OR2L13: variants seen among roughly 807,000 people sequenced by gnomAD.
OR2L13 encodes the protein olfactory receptor family 2 subfamily L member 13, also known as olfactory receptor 2L13.
A neutral mutation model predicts 15.3 loss-of-function variants in OR2L13; 14 were observed. The observed-to-expected ratio is 0.91, with a 90% CI of 0.60 to 1.43. OR2L13 has a LOEUF of 1.43. Ranked by LOEUF, OR2L13 falls within the 40% of genes most tolerant of loss-of-function variation. The pLI, the probability that OR2L13 is intolerant of heterozygous loss-of-function variation, is 0.00. For missense variants in OR2L13, 367 were observed against 387.9 expected, an observed-to-expected ratio of 0.95 and a Z score of 0.45; for synonymous variants, 152 against 142.9, an observed-to-expected ratio of 1.06 and a Z score of -0.45.
chr1:248,087,992 C>G, the OR2L13 span, among the ~76,000 whole-genome samples: 3 of 152,102 alleles, frequency 2.0e-5, no homozygotes, highest in Admixed American at 2.0e-4. Flanking sequence ...TTTCTACATG[C>G]TAGTGAATAT....
At chr1:248,009,565 T>A in the OR2L13 span, among the ~76,000 whole-genome samples, 1 of 152,186 alleles carries the variant, frequency 6.6e-6, no homozygotes, top group Admixed American at 6.5e-5. Flanking sequence ...CAGGATCAGA[T>A]GGATTCACAG....
At chr1:247,995,926 A>G in the OR2L13 span, among the ~76,000 whole-genome samples, 6 of 152,198 alleles carry the variant, frequency 3.9e-5, no homozygotes, top group Admixed American at 6.5e-5. Context: ...CTTGTCTGAG[A>G]AACTGACTCA....
At chr1:248,007,132 T>G in the OR2L13 span, among the ~76,000 whole-genome samples, 1 of 152,204 alleles carries the variant, frequency 6.6e-6, no homozygotes, top group Non-Finnish European at 1.5e-5. Context: ...TTCTGTGATG[T>G]ACCATGGCCT....
chr1:247,966,349 A>G, the OR2L13 span: 2 of 1,595,634 alleles, frequency 1.3e-6, no homozygotes, highest in Non-Finnish European at 1.7e-6. Context: ...ATTGAGCATT[A>G]ACAACATAAA....
chr1:248,084,882 G>A, the OR2L13 span, among the ~76,000 whole-genome samples: 1 of 152,068 alleles, frequency 6.6e-6, no homozygotes, highest in South Asian at 2.1e-4. Context: ...CCTTGTCTGT[G>A]ACTAATAACA....
chr1:248,091,874 G>T (rs1269188865), upstream of OR2L13, among the ~76,000 whole-genome samples: 1 of 152,090 alleles, frequency 6.6e-6, no homozygotes, highest in African/African-American at 2.4e-5. Flanking sequence ...TCTGTAAATT[G>T]CTTTGGGCAG....
chr1:248,062,399 C>G, the OR2L13 span: 1 of 151,384 alleles, frequency 6.6e-6, no homozygotes, highest in Admixed American at 6.6e-5. Flanking sequence ...GTTTTGCCAG[C>G]ACCTTATATT....
the OR2L13 span, among the ~76,000 whole-genome samples, chr1:247,955,767 C>A: frequency 2.0e-5 from 3 of 152,038 alleles, no homozygotes; most frequent in Non-Finnish European, 2.9e-5. Flanking sequence ...CGTTCATATT[C>A]TTCGCCTGCT....
the OR2L13 span, chr1:248,038,288 A>G: frequency 2.5e-6 from 4 of 1,610,366 alleles, no homozygotes; most frequent in Non-Finnish European, 3.4e-6. Flanking sequence ...ACAATCAAAC[A>G]TCAACTGATT....
chr1:247,972,118 C>T, the OR2L13 span, among the ~76,000 whole-genome samples: 127,929 of 152,152 alleles, frequency 0.84, 55,509 homozygotes, highest in South Asian at 0.97. Context: ...ACAGCTAAAG[C>T]GGTGTTTAGA....
chr1:248,084,115 T>C, the OR2L13 span: 3 of 1,611,452 alleles, frequency 1.9e-6, no homozygotes, highest in East Asian at 6.7e-5. Context: ...AAGCTCAGGG[T>C]AGCAACAGCC....
At chr1:247,952,987 T>A in the OR2L13 span, among the ~76,000 whole-genome samples, 1 of 152,320 alleles carries the variant, frequency 6.6e-6, no homozygotes, top group African/African-American at 2.4e-5. Context: ...CTATTTTTCA[T>A]GCCAATGACC....
At chr1:248,001,258 TGTGACGTTCCAG>T in the OR2L13 span, among the ~76,000 whole-genome samples, 5 of 152,186 alleles carry the variant, frequency 3.3e-5, no homozygotes, top group African/African-American at 1.2e-4. Context: ...GAATGAATGC[TGTGACGTTCCAG>T]GTGCCAATAT....
chr1:248,092,210 T>C (rs191493646), upstream of OR2L13, among the ~76,000 whole-genome samples: 20 of 152,308 alleles, frequency 1.3e-4, no homozygotes, highest in African/African-American at 3.1e-4. Flanking sequence ...TATAGAATGG[T>C]ATCATCTATA....
chr1:248,034,039 A>G, the OR2L13 span, among the ~76,000 whole-genome samples: 7 of 152,274 alleles, frequency 4.6e-5, no homozygotes, highest in East Asian at 9.6e-4. Flanking sequence ...AAGTTTCAGG[A>G]TACAAAATTA....
chr1:248,065,386 T>C, the OR2L13 span, among the ~76,000 whole-genome samples: 3 of 152,054 alleles, frequency 2.0e-5, no homozygotes, highest in African/African-American at 7.3e-5. Flanking sequence ...TGAGTATTCA[T>C]TCTATTTTGA....
chr1:247,952,442 C>G, the OR2L13 span, among the ~76,000 whole-genome samples: 1 of 152,072 alleles, frequency 6.6e-6, no homozygotes, highest in South Asian at 2.1e-4. Context: ...AAGATTAATG[C>G]CTTTCTAAAG....
the OR2L13 span, among the ~76,000 whole-genome samples, chr1:248,071,826 A>T: frequency 6.7e-6 from 1 of 149,548 alleles, no homozygotes; most frequent in African/African-American, 2.5e-5. Context: ...ATTCTTATAC[A>T]CCAATAACAG....
At chr1:247,987,462 A>G in the OR2L13 span, among the ~76,000 whole-genome samples, 1 of 152,116 alleles carries the variant, frequency 6.6e-6, no homozygotes, top group Non-Finnish European at 1.5e-5. Context: ...TAGAGTAAAA[A>G]TTGTCATTCT....
Sources: gnomAD v4.1 joint callset for allele counts (sites outside exome capture counted in the v4.1 genomes callset) on GRCh38, gnomAD v4.1.1 for gene constraint, MANE v1.5 for transcripts, NCBI Gene and HGNC (gene_info 2026-07-23, HGNC 2026-07-21) for gene names.